The following SRGAP3 variants were observed in gnomAD, a reference collection of about 807,000 sequenced individuals.
The protein encoded by SRGAP3 is SLIT-ROBO Rho GTPase activating protein 3, also known as SLIT-ROBO Rho GTPase-activating protein 3.
In SRGAP3, 39 loss-of-function variants were observed where a neutral mutation model predicts 121.1. The observed-to-expected ratio is 0.32, with a 90% confidence interval of 0.25 to 0.42. SRGAP3 has a LOEUF of 0.42. SRGAP3 is among the 10% of genes least tolerant of loss of function. The pLI is 1.00. For synonymous variants in SRGAP3, 601 were observed against 570.0 expected (o/e 1.05, Z -0.77); for missense variants, 1,213 against 1,470.6 (o/e 0.82, Z 2.86).
intron 12 of SRGAP3, among the ~76,000 whole-genome samples, chr3:9,028,331 C>T (rs1400156): frequency 6.6e-6 from 1 of 152,320 alleles, no homozygotes; most frequent in East Asian, 1.9e-4. Context: ...CATGGGACTT[C>T]TGGAAGCCAC....
chr3:9,045,610 C>T (rs1046551143), intron 10 of SRGAP3, among the ~76,000 whole-genome samples: 1 of 151,978 alleles, frequency 6.6e-6, no homozygotes, highest in Non-Finnish European at 1.5e-5. Context: ...CGGAGAATGG[C>T]GGCAATGAAA....
intron 1 of SRGAP3, among the ~76,000 whole-genome samples, chr3:9,203,036 A>G (rs1485022521): frequency 3.3e-5 from 5 of 152,168 alleles, no homozygotes; most frequent in East Asian, 1.9e-4. Flanking sequence ...AGCCCAGTTC[A>G]TCTTCTCCTC....
intron 18 of SRGAP3, among the ~76,000 whole-genome samples, chr3:8,998,334 C>T (rs1208779569): frequency 1.3e-5 from 2 of 152,150 alleles, no homozygotes; most frequent in East Asian, 1.9e-4. Context: ...TGCTATGTGC[C>T]GTTTGCTAAT....
chr3:9,228,176 G>T (rs1953059537), intron 1 of SRGAP3, among the ~76,000 whole-genome samples: 1 of 152,054 alleles, frequency 6.6e-6, no homozygotes, highest in South Asian at 2.1e-4. Flanking sequence ...GTGTCGTGGG[G>T]ACCCAAGAGC....
At chr3:9,270,494 C>T (rs771168226) in intron 3 of SRGAP3, among the ~76,000 whole-genome samples, 3 of 152,048 alleles carry the variant, frequency 2.0e-5, no homozygotes, top group Non-Finnish European at 4.4e-5. Context: ...TGGTAGTTAC[C>T]CAAGTGCATA....
intron 1 of SRGAP3, among the ~76,000 whole-genome samples, chr3:9,198,581 T>C (rs116300605): frequency 4.4e-4 from 67 of 152,358 alleles, no homozygotes; most frequent in East Asian, 1.5e-3. Flanking sequence ...TTTTCATTTG[T>C]ACAGGGCCCT....
intron 1 of SRGAP3, among the ~76,000 whole-genome samples, chr3:9,207,046 C>T (rs1382940811): frequency 6.6e-6 from 1 of 152,132 alleles, no homozygotes; most frequent in African/African-American, 2.4e-5. Context: ...GGGTGACCAA[C>T]CATCAAGGCT....
At chr3:9,038,136 A>C in intron 10 of SRGAP3, 46 bp from the exon 11 acceptor site, 1 of 1,612,178 alleles carries the variant, frequency 6.2e-7, no homozygotes, top group Non-Finnish European at 8.5e-7. Context: ...TTTTCTTTTT[A>C]ATCCAAAGAA....
intron 1 of SRGAP3, among the ~76,000 whole-genome samples, chr3:9,234,144 C>T (rs1473985064): frequency 6.6e-6 from 1 of 152,142 alleles, no homozygotes; most frequent in Non-Finnish European, 1.5e-5. Context: ...CAAATAAATT[C>T]AAACAACCAC....
chr3:9,072,261 C>A (rs1354310534), intron 4 of SRGAP3, among the ~76,000 whole-genome samples: 1 of 152,196 alleles, frequency 6.6e-6, no homozygotes, highest in Non-Finnish European at 1.5e-5. Flanking sequence ...TGTCCACTGT[C>A]GATCAGATAC....
At chr3:9,136,519 C>T (rs1471902248) in intron 1 of SRGAP3, among the ~76,000 whole-genome samples, 1 of 152,164 alleles carries the variant, frequency 6.6e-6, no homozygotes, top group East Asian at 1.9e-4. Context: ...AAGCTCCTGG[C>T]ACCCTGTAGT....
intron 1 of SRGAP3, among the ~76,000 whole-genome samples, chr3:9,233,934 T>A (rs1429518471): frequency 1.3e-5 from 2 of 152,226 alleles, no homozygotes; most frequent in African/African-American, 4.8e-5. Context: ...ATTCTCAGCA[T>A]TTCTTTCACA....
chr3:9,216,815 T>G (rs1217151708), intron 1 of SRGAP3: 2 of 152,468 alleles, frequency 1.3e-5, no homozygotes, highest in Non-Finnish European at 2.9e-5. Context: ...ACGCATACAA[T>G]GGGATATTAC....
At chr3:9,211,483 AG>A (rs569728186) in intron 1 of SRGAP3, among the ~76,000 whole-genome samples, 3 of 152,278 alleles carry the variant, frequency 2.0e-5, no homozygotes, top group African/African-American at 7.2e-5. Flanking sequence ...TGTTAACCTC[AG>A]TGTTTGTTGT....
At chr3:9,010,482 C>A (rs546654091) in intron 17 of SRGAP3, 95 bp from the exon 18 acceptor site, 2 of 1,349,762 alleles carry the variant, frequency 1.5e-6, no homozygotes, top group East Asian at 4.6e-5. Flanking sequence ...GCCTCTGGGC[C>A]CTCCCGCAGC....
intron 10 of SRGAP3, among the ~76,000 whole-genome samples, chr3:9,039,191 C>G (rs886332965): frequency 3.9e-5 from 6 of 152,178 alleles, no homozygotes; most frequent in Non-Finnish European, 7.3e-5. Flanking sequence ...TCACGACTCC[C>G]TTCTTACAAA....
At chr3:9,015,207 C>T (rs545884007) in intron 15 of SRGAP3, among the ~76,000 whole-genome samples, 1 of 147,588 alleles carries the variant, frequency 6.8e-6, no homozygotes, top group East Asian at 1.9e-4. Flanking sequence ...GCTCCATTTT[C>T]CCCTTCCAAC....
chr3:9,092,423 A>C (rs1348478899), intron 3 of SRGAP3, among the ~76,000 whole-genome samples: 1 of 152,230 alleles, frequency 6.6e-6, no homozygotes, highest in Non-Finnish European at 1.5e-5. Flanking sequence ...TTGATGTCTT[A>C]GCACGTGCCA....
At chr3:8,990,420 T>C in intron 21 of SRGAP3, 92 bp downstream of exon 21, 1 of 1,488,578 alleles carries the variant, frequency 6.7e-7, no homozygotes, top group Non-Finnish European at 9.1e-7. Flanking sequence ...GAGCCTGGCA[T>C]AAAGGCCAAG....
Sources: allele counts gnomAD v4.1 joint callset (sites outside exome capture counted in the v4.1 genomes callset), GRCh38; gene constraint gnomAD v4.1.1; transcripts MANE v1.5; gene names NCBI Gene and HGNC (gene_info 2026-07-23, HGNC 2026-07-21).